The following NRXN1 variants were observed in gnomAD, a reference collection of about 807,000 sequenced individuals.
NRXN1 encodes the protein neurexin-1.
In NRXN1, 39 loss-of-function variants were observed where a neutral mutation model predicts 150.9. The ratio of observed to expected loss-of-function variants is 0.26; its 90% confidence interval spans 0.20 to 0.34. NRXN1 has a LOEUF of 0.34. NRXN1 is among the 10% of genes least tolerant of loss of function. NRXN1 has a pLI of 1.00. For synonymous variants in NRXN1, 924 were observed against 757.0 expected (o/e 1.22, Z -3.62); for missense variants, 1,815 against 1,949.9 (o/e 0.93, Z 1.30).
At chr2:50,150,533 T>G (rs926433688) in intron 18 of NRXN1, among the ~76,000 whole-genome samples, 2 of 151,848 alleles carry the variant, frequency 1.3e-5, no homozygotes, top group Non-Finnish European at 2.9e-5. Context: ...CTGCTAAATG[T>G]TCCTGTAAGG....
At chr2:50,595,518 A>C (rs765426381) in intron 8 of NRXN1, among the ~76,000 whole-genome samples, 2 of 152,140 alleles carry the variant, frequency 1.3e-5, no homozygotes, top group African/African-American at 2.4e-5. Context: ...ATCACAGATA[A>C]GAGCCAGAGT....
chr2:50,166,604 G>A (rs1219026135), intron 18 of NRXN1, among the ~76,000 whole-genome samples: 2 of 151,876 alleles, frequency 1.3e-5, no homozygotes, highest in Non-Finnish European at 2.9e-5. Flanking sequence ...AAATATATGT[G>A]TTTTTTGGCT....
chr2:50,771,193 G>A (rs1702970963), intron 5 of NRXN1, among the ~76,000 whole-genome samples: 1 of 151,970 alleles, frequency 6.6e-6, no homozygotes, highest in Non-Finnish European at 1.5e-5. Flanking sequence ...AACAACTAAT[G>A]TCAGAACAAG....
chr2:50,929,592 T>A (rs1399775213), intron 2 of NRXN1, among the ~76,000 whole-genome samples: 3 of 152,068 alleles, frequency 2.0e-5, no homozygotes, highest in Middle Eastern at 3.2e-3. Context: ...CTGTCCCAGA[T>A]ACCAGCACTC....
At chr2:50,894,429 C>G (rs1002809423) in intron 5 of NRXN1, among the ~76,000 whole-genome samples, 2 of 151,464 alleles carry the variant, frequency 1.3e-5, no homozygotes, top group African/African-American at 2.4e-5. Flanking sequence ...TTAAAGTCAA[C>G]TGCACGAACA....
At chr2:50,417,511 T>C (rs909376232) in intron 17 of NRXN1, among the ~76,000 whole-genome samples, 26 of 151,962 alleles carry the variant, frequency 1.7e-4, no homozygotes, top group African/African-American at 5.8e-4. Flanking sequence ...TGCTTGGTCC[T>C]AGGTATTCTG....
chr2:50,303,930 A>AG (rs1416116619), intron 17 of NRXN1, among the ~76,000 whole-genome samples: 2 of 151,720 alleles, frequency 1.3e-5, no homozygotes, highest in Non-Finnish European at 2.9e-5. Flanking sequence ...CTGTGGCAAA[A>AG]AAATATTCAC....
Position 50,414,396 on chromosome 2 carries a change from A to G in NRXN1, c.3364+51046T>C, listed in dbSNP as rs368271276. Among the ~76,000 whole-genome samples, 9 of 152,238 alleles carry G rather than the reference A, an allele frequency of 5.9e-5. No individual in the cohort carries two copies. In the East Asian group the frequency reaches 1.2e-3, roughly 20 times the overall value. ...ATAAAAACATACCTTTTTTGGGGGA[A>G]TATTTTTCGAAATATACCCCATAAA... On this transcript the variant is annotated intron_variant, in intron 17 of 22. Transcript: ENST00000401669.
chr2:50,890,188 A>C (rs1409378575), intron 5 of NRXN1, among the ~76,000 whole-genome samples: 4 of 151,776 alleles, frequency 2.6e-5, no homozygotes, highest in African/African-American at 7.2e-5. Context: ...TCCTTTTGCT[A>C]TCTGTTATGT....
At chr2:50,408,963 T>C (rs1364659017) in intron 17 of NRXN1, among the ~76,000 whole-genome samples, 2 of 151,682 alleles carry the variant, frequency 1.3e-5, no homozygotes, top group Admixed American at 6.6e-5. Context: ...GACACAAACA[T>C]TGAGAGCAGG....
chr2:50,143,341 G>A (rs919872322), intron 18 of NRXN1, among the ~76,000 whole-genome samples: 4 of 151,788 alleles, frequency 2.6e-5, no homozygotes, highest in African/African-American at 9.7e-5. Flanking sequence ...TAAGTACAGA[G>A]GGAACAATTT....
At chr2:50,950,336 A>C (rs1484684192) in intron 2 of NRXN1, among the ~76,000 whole-genome samples, 1 of 152,292 alleles carries the variant, frequency 6.6e-6, no homozygotes, top group Non-Finnish European at 1.5e-5. Context: ...CAAATTATAT[A>C]TCTAGTTATT....
intron 5 of NRXN1, among the ~76,000 whole-genome samples, chr2:50,777,801 A>T (rs1338696304): frequency 6.6e-6 from 1 of 152,194 alleles, no homozygotes; most frequent in Non-Finnish European, 1.5e-5. Flanking sequence ...ACTGAGAATT[A>T]GGCCTTGGGC....
intron 2 of NRXN1, among the ~76,000 whole-genome samples, chr2:50,945,213 G>T (rs1452492374): frequency 6.6e-6 from 1 of 152,186 alleles, no homozygotes; most frequent in African/African-American, 2.4e-5. Flanking sequence ...ATTGGCTCAT[G>T]CCTGTAATTC....
rs1039865776 is a variant in NRXN1, at chr2:50,419,757, A to G, written c.3364+45685T>C. ...AACATTAAAACAAAAATTCTCCACC[A>G]TGAAAACAGAAAATATATATTTGTA... On this transcript the variant is annotated intron_variant, in intron 17 of 22. Coordinates refer to ENST00000401669, the MANE Select transcript of NRXN1 (RefSeq NM_001330078.2). Among the ~76,000 whole-genome samples the G allele has an allele frequency of 6.6e-5, 10 of 152,072 alleles. No homozygotes were observed. The East Asian group carries it at 7.7e-4, about 12-fold the overall frequency.
At chr2:50,236,278 A>G (rs939311070) in intron 18 of NRXN1, among the ~76,000 whole-genome samples, 6 of 152,108 alleles carry the variant, frequency 3.9e-5, no homozygotes, top group Non-Finnish European at 2.9e-5. Flanking sequence ...AATGGCACAG[A>G]AACAATCTTT....
rs144556157 is a variant in NRXN1 at position 50,034,170 on chromosome 2, C to G, written c.4128+19101G>C. Among the ~76,000 whole-genome samples, 11 of 152,106 alleles carry G rather than the reference C, an allele frequency of 7.2e-5. No homozygotes were observed. The East Asian group carries it at 2.1e-3, about 29-fold the overall frequency. ...TATACCCAAAGGAATATAAATCATT[C>G]TATTACAAAGACACATGCACACATA... On this transcript the variant is annotated intron_variant, in intron 21 of 22. Transcript: ENST00000401669.
At chr2:50,100,313 G>A (rs1259769258) in intron 18 of NRXN1, among the ~76,000 whole-genome samples, 4 of 151,966 alleles carry the variant, frequency 2.6e-5, no homozygotes, top group Non-Finnish European at 2.9e-5. Context: ...TTTAGTGGTC[G>A]TAAAGTGAGA....
intron 21 of NRXN1, among the ~76,000 whole-genome samples, chr2:50,027,278 TCCTC>T: frequency 6.6e-6 from 1 of 151,040 alleles, no homozygotes. Context: ...CTTCCTTCCT[TCCTC>T]CCTCGCTCCC....
Sources: allele counts gnomAD v4.1 joint callset (sites outside exome capture counted in the v4.1 genomes callset), GRCh38; gene constraint gnomAD v4.1.1; transcripts MANE v1.5; gene names NCBI Gene and HGNC (gene_info 2026-07-23, HGNC 2026-07-21).